GAS2: variants seen among roughly 807,000 people sequenced by gnomAD.
GAS2 encodes the protein growth arrest-specific protein 2.
A neutral mutation model predicts 37.5 loss-of-function variants in GAS2; 20 were observed. The observed-to-expected ratio is 0.53, with a 90% CI of 0.37 to 0.77. GAS2 has a LOEUF of 0.77. GAS2 is among the 30% of genes least tolerant of loss of function. The pLI is 0.00. For missense variants in GAS2, 336 were observed against 373.4 expected, an observed-to-expected ratio of 0.90 and a Z score of 0.82; for synonymous variants, 144 against 132.2, an observed-to-expected ratio of 1.09 and a Z score of -0.61.
intron 1 of GAS2, among the ~76,000 whole-genome samples, chr11:22,657,183 C>T (rs1327263876): frequency 6.6e-6 from 1 of 152,116 alleles, no homozygotes; most frequent in Non-Finnish European, 1.5e-5. Context: ...TGGTGGGGTA[C>T]AACATATTGA....
At chr11:22,720,828 G>A (rs182348129) in intron 3 of GAS2, among the ~76,000 whole-genome samples, 103 of 152,062 alleles carry the variant, frequency 6.8e-4, no homozygotes, top group African/African-American at 1.1e-3. Context: ...TTTTCAGTTC[G>A]CACAATGCAA....
At chr11:22,752,905 G>T (rs1376366200) in intron 6 of GAS2, among the ~76,000 whole-genome samples, 1 of 152,004 alleles carries the variant, frequency 6.6e-6, no homozygotes, top group Non-Finnish European at 1.5e-5. Flanking sequence ...AAGATATCAT[G>T]AAAGAAACAC....
Position 22,812,208 on chromosome 11 carries a change from A to T in GAS2, c.*192A>T. The T allele has an allele frequency of 1.9e-6, 1 of 525,132 alleles. No individual in the cohort carries two copies. The highest frequency in any genetic ancestry group is 3.3e-6 in the Non-Finnish European group (1 of 299,290). 32.5% of individuals were successfully genotyped at this position (525,132 alleles called of 1,614,324 possible). On this transcript the variant is annotated 3_prime_UTR_variant, in exon 8 of 8. Coordinates refer to ENST00000454584, the MANE Select transcript of GAS2 (RefSeq NM_001143830.3). Reference sequence around the variant, plus strand: ...TCTGTAGAATATGACCTATTAAAAGAAAATCTAAACTCAAATTTAAATTAT... The same window carrying T: ...TCTGTAGAATATGACCTATTAAAAGTAAATCTAAACTCAAATTTAAATTAT...
chr11:22,642,570 A>G (rs540756110), intron 1 of GAS2, among the ~76,000 whole-genome samples: 1 of 152,176 alleles, frequency 6.6e-6, no homozygotes, highest in Non-Finnish European at 1.5e-5. Context: ...TATAGAATGT[A>G]ATAGATAATT....
intron 7 of GAS2, among the ~76,000 whole-genome samples, chr11:22,810,859 A>G (rs11026800): frequency 0.38 from 58,409 of 151,972 alleles, 12,625 homozygotes; most frequent in East Asian, 0.74. Flanking sequence ...AAGAATTGAA[A>G]CAGATTTTAT....
At chr11:22,650,969 A>C (rs2133831296) in intron 1 of GAS2, among the ~76,000 whole-genome samples, 1 of 152,166 alleles carries the variant, frequency 6.6e-6, no homozygotes, top group South Asian at 2.1e-4. Context: ...TTATGATGTT[A>C]GCTGGTTATT....
chr11:22,635,331 A>T (rs760314911), intron 1 of GAS2, among the ~76,000 whole-genome samples: 1 of 152,328 alleles, frequency 6.6e-6, no homozygotes, highest in South Asian at 2.1e-4. Flanking sequence ...CTGAGGGAAC[A>T]TTCCAGGGAG....
intron 3 of GAS2, among the ~76,000 whole-genome samples, chr11:22,718,760 A>G (rs989613561): frequency 5.3e-5 from 8 of 152,050 alleles, no homozygotes; most frequent in Non-Finnish European, 1.0e-4. Context: ...TCACCAATTG[A>G]CTTAATTTTA....
At chr11:22,759,957 A>G (rs1854282067) in intron 7 of GAS2, among the ~76,000 whole-genome samples, 1 of 152,084 alleles carries the variant, frequency 6.6e-6, no homozygotes, top group South Asian at 2.1e-4. Context: ...TGTCTGTGGT[A>G]TTTGACTTAT....
chr11:22,780,028 T>A (rs553467636), intron 7 of GAS2, among the ~76,000 whole-genome samples: 266 of 152,344 alleles, frequency 1.7e-3, no homozygotes, highest in South Asian at 9.1e-3. Flanking sequence ...TGATTGTTGC[T>A]CTCTTCCCAG....
At chr11:22,693,079 G>A (rs1850332783) in intron 3 of GAS2, among the ~76,000 whole-genome samples, 1 of 152,046 alleles carries the variant, frequency 6.6e-6, no homozygotes, top group Non-Finnish European at 1.5e-5. Flanking sequence ...TACTATTCCT[G>A]CTTTGCAGTA....
intron 3 of GAS2, among the ~76,000 whole-genome samples, chr11:22,688,884 CA>C (rs1189476108): frequency 6.6e-6 from 1 of 152,144 alleles, no homozygotes; most frequent in African/African-American, 2.4e-5. Flanking sequence ...GACATGAAAT[CA>C]ACCTAGATAC....
chr11:22,737,661 A>G lies in GAS2; in HGVS notation c.410-44A>G, dbSNP rs199567310. 41 of 1,585,876 alleles carry G rather than the reference A, an allele frequency of 2.6e-5. No individual in the cohort carries two copies. The African/African-American group carries it at 4.0e-4, about 16-fold the overall frequency. On this transcript the variant is annotated intron_variant, in intron 4 of 7. Transcript: ENST00000454584. The stretch of plus-strand genomic sequence containing the variant: ...GCAAGCCTGTGCTGTTGAGCTGCTT[A>G]TTCCTTCTATTGTAAAGGTGTTCGC...
chr11:22,739,510 T>C (rs1852942434), intron 5 of GAS2, among the ~76,000 whole-genome samples: 1 of 138,294 alleles, frequency 7.2e-6, no homozygotes, highest in African/African-American at 2.7e-5. Context: ...GAGGCGGAGC[T>C]TGCAGTGAGC....
At chr11:22,641,096 A>T (rs1039441597) in intron 1 of GAS2, among the ~76,000 whole-genome samples, 2 of 150,362 alleles carry the variant, frequency 1.3e-5, no homozygotes, top group Non-Finnish European at 3.0e-5. Context: ...TTTTGAATTG[A>T]CCAAGGGGAG....
At chr11:22,628,077 T>TA (rs1166944433) in intron 1 of GAS2, among the ~76,000 whole-genome samples, 2 of 152,230 alleles carry the variant, frequency 1.3e-5, no homozygotes, top group East Asian at 3.8e-4. Context: ...TAGTAACGTA[T>TA]AAACTCCTAC....
chr11:22,739,299 G>T (rs976972743), intron 5 of GAS2, among the ~76,000 whole-genome samples: 4 of 152,060 alleles, frequency 2.6e-5, no homozygotes, highest in Non-Finnish European at 5.9e-5. Flanking sequence ...AGTTGGCCGG[G>T]CGCTGTGGCT....
intron 6 of GAS2, 95 bp from the exon 7 acceptor site, chr11:22,755,751 T>C (rs1249531221): frequency 3.5e-5 from 26 of 743,268 alleles, no homozygotes; most frequent in Non-Finnish European, 5.7e-5. Context: ...AAGTTTAAAG[T>C]CATTAAGGGT....
chr11:22,705,548 A>C (rs1851073013), intron 3 of GAS2, among the ~76,000 whole-genome samples: 1 of 152,228 alleles, frequency 6.6e-6, no homozygotes, highest in Non-Finnish European at 1.5e-5. Context: ...AGTTAGGTAC[A>C]TAAAATATGA....
Sources: allele counts gnomAD v4.1 joint callset (sites outside exome capture counted in the v4.1 genomes callset), GRCh38; gene constraint gnomAD v4.1.1; transcripts MANE v1.5; gene names NCBI Gene and HGNC (gene_info 2026-07-23, HGNC 2026-07-21).